Variants in ZNG1A observed in about 807,000 individuals in gnomAD.
ZNG1A encodes Zn regulated GTPase metalloprotein activator 1A.
At chr9:172,262 G>A in the ZNG1A span, 21 of 1,518,460 alleles carry the variant, frequency 1.4e-5, no homozygotes, top group East Asian at 4.6e-5. Context: ...TCAACAACCC[G>A]AGACAAAAGT....
chr9:131,187 T>C, the ZNG1A span, among the ~76,000 whole-genome samples: 1 of 137,072 alleles, frequency 7.3e-6, no homozygotes, highest in African/African-American at 2.9e-5. Flanking sequence ...GACTTTTTTT[T>C]TCCAGTTTTT....
chr9:173,721 C>A, the ZNG1A span, among the ~76,000 whole-genome samples: 1 of 152,026 alleles, frequency 6.6e-6, no homozygotes, highest in African/African-American at 2.4e-5. Flanking sequence ...GTTTTATATA[C>A]TGGATTTTGT....
chr9:147,224 TA>T, the ZNG1A span: 2 of 136,052 alleles, frequency 1.5e-5, no homozygotes, highest in East Asian at 4.1e-4. Context: ...TGATTTCTCA[TA>T]ATCAAAGCTA....
chr9:176,816 T>C, the ZNG1A span, among the ~76,000 whole-genome samples: 1 of 151,226 alleles, frequency 6.6e-6, no homozygotes, highest in Non-Finnish European at 1.5e-5. Flanking sequence ...AGAGAAGATT[T>C]ACTAGGGCTT....
the ZNG1A span, among the ~76,000 whole-genome samples, chr9:125,263 G>A: frequency 1.7e-3 from 263 of 150,428 alleles, no homozygotes; most frequent in African/African-American, 6.0e-3. Flanking sequence ...CAGAAGTAAG[G>A]TGGTATCGCA....
At chr9:141,960 G>A in the ZNG1A span, among the ~76,000 whole-genome samples, 4 of 149,800 alleles carry the variant, frequency 2.7e-5, no homozygotes, top group East Asian at 2.0e-4. Context: ...ATTACATAAT[G>A]GTAAAGGGAT....
the ZNG1A span, among the ~76,000 whole-genome samples, chr9:155,404 T>C: frequency 2.0e-4 from 31 of 151,874 alleles, no homozygotes; most frequent in African/African-American, 6.8e-4. Context: ...CTGGGCAACA[T>C]AGCAAGACTC....
At chr9:154,232 G>C in the ZNG1A span, 1 of 166,766 alleles carries the variant, frequency 6.0e-6, no homozygotes, top group African/African-American at 2.4e-5. Flanking sequence ...ACTTGAGTCA[G>C]GGAAGACTTC....
At chr9:156,655 T>C in the ZNG1A span, 1 of 1,061,730 alleles carries the variant, frequency 9.4e-7, no homozygotes, top group Non-Finnish European at 1.3e-6. Context: ...TCTTACTGAA[T>C]ACATAAATCC....
chr9:124,007 C>G, the ZNG1A span, among the ~76,000 whole-genome samples: 38 of 152,142 alleles, frequency 2.5e-4, no homozygotes, highest in African/African-American at 8.5e-4. Context: ...AAAGGCTTGG[C>G]TTATCTTTAA....
the ZNG1A span, among the ~76,000 whole-genome samples, chr9:161,899 A>G: frequency 9.2e-5 from 14 of 151,478 alleles, no homozygotes; most frequent in African/African-American, 3.4e-4. Flanking sequence ...ATTTTCTTCA[A>G]TATGTACTTT....
the ZNG1A span, among the ~76,000 whole-genome samples, chr9:140,221 C>G: frequency 6.6e-6 from 1 of 151,752 alleles, no homozygotes; most frequent in Admixed American, 6.6e-5. Flanking sequence ...GGCACAGACA[C>G]ACAAAAAGAC....
chr9:162,440 C>G, the ZNG1A span: 1 of 1,495,218 alleles, frequency 6.7e-7, no homozygotes, highest in Non-Finnish European at 9.2e-7. Context: ...ACTTTTAATC[C>G]ATATTTTGAA....
At chr9:178,321 A>G in the ZNG1A span, among the ~76,000 whole-genome samples, 2 of 151,990 alleles carry the variant, frequency 1.3e-5, no homozygotes, top group Non-Finnish European at 2.9e-5. Context: ...TTAAGATAGG[A>G]GCGCTCCCTG....
chr9:140,644 C>T, the ZNG1A span, among the ~76,000 whole-genome samples: 1 of 150,768 alleles, frequency 6.6e-6, no homozygotes, highest in Admixed American at 6.6e-5. Flanking sequence ...CTCTCCTCCT[C>T]CAAAGGAACG....
the ZNG1A span, among the ~76,000 whole-genome samples, chr9:176,484 T>C: frequency 1.3e-5 from 2 of 151,832 alleles, no homozygotes; most frequent in East Asian, 1.9e-4. Context: ...AGGCTATACA[T>C]GTCTTCTGAA....
the ZNG1A span, chr9:150,690 G>A: frequency 2.0e-6 from 2 of 982,104 alleles, no homozygotes; most frequent in Non-Finnish European, 1.2e-6. Context: ...TCATCCACTT[G>A]AAGTAAGAAA....
At chr9:172,213 A>G in the ZNG1A span, 1 of 1,606,494 alleles carries the variant, frequency 6.2e-7, no homozygotes, top group Non-Finnish European at 8.5e-7. Flanking sequence ...AATTACCTAA[A>G]TATTTTGAAG....
At chr9:170,466 A>G in the ZNG1A span, among the ~76,000 whole-genome samples, 1 of 150,254 alleles carries the variant, frequency 6.7e-6, no homozygotes, top group African/African-American at 2.5e-5. Context: ...GCTCACCGCA[A>G]CCTCCGCCTC....
Sources: allele counts gnomAD v4.1 joint callset (sites outside exome capture counted in the v4.1 genomes callset), GRCh38; gene constraint gnomAD v4.1.1; transcripts MANE v1.5; gene names NCBI Gene and HGNC (gene_info 2026-07-23, HGNC 2026-07-21).